Variants in CUX1 observed in about 807,000 individuals in gnomAD.
CUX1 encodes the protein cut like homeobox 1.
In CUX1, 31 loss-of-function variants were observed where a neutral mutation model predicts 158.8. That is an observed-to-expected ratio of 0.20 (90% CI 0.15 to 0.26). The LOEUF is 0.26. CUX1 is among the 10% of genes least tolerant of loss of function. CUX1 has a pLI of 1.00. For missense variants in CUX1, 1,589 were observed against 2,014.6 expected (o/e 0.79, Z 4.04); for synonymous variants, 879 against 862.1 (o/e 1.02, Z -0.34).
chr7:101,838,242 G>GC (rs1794846205), intron 1 of CUX1, among the ~76,000 whole-genome samples: 2 of 151,036 alleles, frequency 1.3e-5, no homozygotes, highest in South Asian at 4.2e-4. Flanking sequence ...TGATTCTCTT[G>GC]CCCCAGCCTC....
At chr7:102,141,887 C>T (rs1231039898) in intron 8 of CUX1, among the ~76,000 whole-genome samples, 1 of 151,416 alleles carries the variant, frequency 6.6e-6, no homozygotes, top group Non-Finnish European at 1.5e-5. Flanking sequence ...GTGATCCACC[C>T]GCCTCAGCCT....
At chr7:102,050,899 G>A (rs1196303471) in intron 3 of CUX1, among the ~76,000 whole-genome samples, 1 of 151,838 alleles carries the variant, frequency 6.6e-6, no homozygotes, top group Non-Finnish European at 1.5e-5. Context: ...CCCTAACCTC[G>A]CTGGAATCAG....
chr7:102,139,759 C>G (rs1396684544), intron 8 of CUX1, among the ~76,000 whole-genome samples: 9 of 152,176 alleles, frequency 5.9e-5, no homozygotes, highest in Non-Finnish European at 1.2e-4. Flanking sequence ...TCAAGCCATC[C>G]TCCTGCCTCA....
intron 16 of CUX1, 62 bp downstream of exon 16, chr7:102,198,929 C>A: frequency 6.9e-7 from 1 of 1,456,812 alleles, no homozygotes; most frequent in Non-Finnish European, 9.6e-7. Context: ...ATGTCCTTAG[C>A]TGTGTATTTG....
At chr7:101,894,273 A>G (rs987672858) in intron 1 of CUX1, among the ~76,000 whole-genome samples, 2 of 152,260 alleles carry the variant, frequency 1.3e-5, no homozygotes, top group South Asian at 4.1e-4. Flanking sequence ...TTTCATTCCA[A>G]TCTGCAGAAA....
intron 8 of CUX1, among the ~76,000 whole-genome samples, chr7:102,141,263 G>A (rs923001097): frequency 3.3e-5 from 5 of 152,124 alleles, no homozygotes; most frequent in African/African-American, 7.2e-5. Flanking sequence ...GAACGTTCTC[G>A]TGCCTCCACT....
intron 4 of CUX1, among the ~76,000 whole-genome samples, chr7:102,077,390 G>A (rs1001502155): frequency 1.3e-5 from 2 of 151,866 alleles, no homozygotes; most frequent in Non-Finnish European, 2.9e-5. Flanking sequence ...CAGAGGGGCT[G>A]TGAATAATGA....
At chr7:102,109,839 C>T (rs1207957611) in intron 6 of CUX1, among the ~76,000 whole-genome samples, 1 of 151,860 alleles carries the variant, frequency 6.6e-6, no homozygotes. Flanking sequence ...CATTGTAATT[C>T]CTCTGTTAGC....
intron 14 of CUX1, among the ~76,000 whole-genome samples, chr7:102,267,059 C>G (rs1359345411): frequency 1.3e-5 from 2 of 152,082 alleles, no homozygotes; most frequent in African/African-American, 4.8e-5. Flanking sequence ...CCAGCACCTG[C>G]AGGCATGGGG....
At position 102,196,752 on chromosome 7, in the gene CUX1, T is replaced by C. The variant is rs1258121943; in HGVS notation, c.1341T>C (p.Gly447=). 1.9e-6 allele frequency: 3 copies of C among 1,613,954 alleles called. No individual in the cohort carries two copies. The highest frequency in any genetic ancestry group is 1.3e-5 in the African/African-American group (1 of 74,904). ...NPGEQASNTN[G]THQFSPAGLS... ...GGGAGCAGGCTTCCAATACTAATGG[T>C]ACACACCAGTTCTCACCAGCGGGGT... The change falls in exon 15 of 24, where the codon GGT becomes GGC. Residue 447 remains glycine (G), a synonymous_variant. Coordinates refer to ENST00000292535, the MANE Select transcript of CUX1 (RefSeq NM_181552.4).
intron 10 of CUX1, among the ~76,000 whole-genome samples, chr7:102,178,091 G>A (rs144715818): frequency 3.7e-4 from 56 of 152,170 alleles, no homozygotes; most frequent in African/African-American, 1.1e-3. Context: ...TAGTAGAGAC[G>A]GGGTTTCACC....
At chr7:102,204,964 A>G in intron 19 of CUX1, 150 bp from the exon 20 acceptor site, 1 of 623,676 alleles carries the variant, frequency 1.6e-6, no homozygotes, top group Non-Finnish European at 2.8e-6. Flanking sequence ...CTGGCCTTGC[A>G]ACAGCAGCGC....
At position 102,269,604 on chromosome 7, in the gene CUX1, A is replaced by G. The variant is rs564766128; in HGVS notation, c.1256-3762A>G. ...TTTTTTTTTTTTTTTTTGTATTTTT[A>G]GTAGAGACGAGTTTTCGCCATGTTG... On this transcript the variant is annotated intron_variant, in intron 14 of 22. Coordinates refer to the CUX1 transcript ENST00000292538. Among the ~76,000 whole-genome samples, 26 of 39,344 alleles carry G rather than the reference A, an allele frequency of 6.6e-4. No homozygotes were observed. In the South Asian group the frequency reaches 0.013, roughly 20 times the overall value. 25.8% of individuals were successfully genotyped at this position (39,344 alleles called of 152,430 possible).
chr7:101,921,263 ATG>A (rs1372668355), intron 2 of CUX1, among the ~76,000 whole-genome samples: 1 of 152,042 alleles, frequency 6.6e-6, no homozygotes, highest in East Asian at 1.9e-4. Context: ...GTGTGCACAT[ATG>A]TGTGTGTACG....
chr7:102,166,438 C>T (rs894726589), intron 9 of CUX1, among the ~76,000 whole-genome samples: 14 of 152,124 alleles, frequency 9.2e-5, no homozygotes, highest in Non-Finnish European at 2.1e-4. Context: ...GGGAGTCCGG[C>T]GGTGACCACA....
chr7:102,028,521 C>T (rs1820326577), intron 3 of CUX1, among the ~76,000 whole-genome samples: 1 of 152,196 alleles, frequency 6.6e-6, no homozygotes, highest in Non-Finnish European at 1.5e-5. Context: ...GAGTGTGTGC[C>T]ATAAGTGTGG....
At chr7:102,044,104 C>T (rs1258145588) in intron 3 of CUX1, among the ~76,000 whole-genome samples, 2 of 152,140 alleles carry the variant, frequency 1.3e-5, no homozygotes, top group African/African-American at 2.4e-5. Flanking sequence ...CTGTCTTGGC[C>T]TCCCAAAGTT....
upstream of CUX1, chr7:101,817,475 C>T (rs1791985205): frequency 9.2e-7 from 1 of 1,083,434 alleles, no homozygotes; most frequent in Non-Finnish European, 1.1e-6. This position sits in a 1 kb window ranked among gnomAD's most constrained non-coding sequence, Gnocchi z 4.1. Context: ...GCGGGGGGAC[C>T]GTGCCGGGGC....
chr7:102,239,315 C>T lies in CUX1; in HGVS notation c.3623-5C>T, dbSNP rs202033281. The T allele has an allele frequency of 5.8e-5, 93 of 1,596,910 alleles. No homozygotes were observed. The highest frequency in any genetic ancestry group is 7.9e-5 in the Non-Finnish European group (92 of 1,168,050). On this transcript the variant is annotated splice_polypyrimidine_tract_variant and splice_region_variant and intron_variant, in intron 22 of 23. Coordinates refer to ENST00000292535, the MANE Select transcript of CUX1 (RefSeq NM_181552.4). ...GACCTTAGTCTGCCATCTCTTCCTC[C>T]GCAGCCTACATGAAGCGGCGGCACA... is the stretch of plus-strand genomic sequence containing the variant.
Sources: allele counts gnomAD v4.1 joint callset (sites outside exome capture counted in the v4.1 genomes callset), GRCh38; gene constraint gnomAD v4.1.1; non-coding constraint Gnocchi (gnomAD v3.1); transcripts MANE v1.5; gene names NCBI Gene and HGNC (gene_info 2026-07-23, HGNC 2026-07-21).